The following DPP10 variants were observed in gnomAD, a reference collection of about 807,000 sequenced individuals.
DPP10 encodes dipeptidyl peptidase like 10.
Under a neutral mutation model 120.9 loss-of-function variants are expected in DPP10, and 33 were observed. The observed-to-expected ratio is 0.27, with a 90% CI of 0.21 to 0.37. DPP10 has a LOEUF of 0.37. DPP10 is among the 10% of genes least tolerant of loss of function. The probability of loss-of-function intolerance (pLI) is 1.00; values close to 1 mark genes in which losing one functional copy is unlikely to be tolerated. For missense variants in DPP10, 816 were observed against 942.8 expected (o/e 0.87, Z 1.76); for synonymous variants, 337 against 326.1 (o/e 1.03, Z -0.36).
At chr2:114,657,967 C>G (rs1420993317) in intron 1 of DPP10, among the ~76,000 whole-genome samples, 1 of 152,062 alleles carries the variant, frequency 6.6e-6, no homozygotes, top group Non-Finnish European at 1.5e-5. Context: ...AATCTACCAC[C>G]AGAAAATGCT....
intron 1 of DPP10, among the ~76,000 whole-genome samples, chr2:114,826,540 TA>T (rs1686552070): frequency 6.6e-6 from 1 of 152,176 alleles, no homozygotes; most frequent in Non-Finnish European, 1.5e-5. Flanking sequence ...GAAAATTTTT[TA>T]TTTTTTTTGA....
intron 1 of DPP10, among the ~76,000 whole-genome samples, chr2:115,059,481 A>G (rs1378461432): frequency 9.9e-5 from 15 of 151,890 alleles, no homozygotes; most frequent in Admixed American, 7.2e-4. Context: ...GCTGTGTCCA[A>G]TGCTAGCTTT....
intron 7 of DPP10, among the ~76,000 whole-genome samples, chr2:115,721,141 GACAT>G (rs1486502568): frequency 3.3e-5 from 5 of 152,164 alleles, no homozygotes; most frequent in Non-Finnish European, 7.4e-5. Context: ...GTACATTTAA[GACAT>G]ATGTTAGGAA....
At chr2:115,028,686 GT>G (rs1424865222) in intron 1 of DPP10, among the ~76,000 whole-genome samples, 1 of 151,932 alleles carries the variant, frequency 6.6e-6, no homozygotes, top group Non-Finnish European at 1.5e-5. Context: ...ACTGAAGCCT[GT>G]CTTTGCTTAA....
At chr2:115,013,542 T>A (rs1253938880) in intron 1 of DPP10, among the ~76,000 whole-genome samples, 2 of 151,848 alleles carry the variant, frequency 1.3e-5, no homozygotes, top group African/African-American at 4.8e-5. Flanking sequence ...TGTTGGCCTG[T>A]CTTGCTAAGA....
rs1021119507 is a variant in DPP10, at chr2:115,777,689, A to G, written c.1314-98A>G. ...ATGTGAAAATTCAGGTGAAGATTCA[A>G]TGTGAATTCAGGATTCAATGTGACA... On this transcript the variant is annotated intron_variant, in intron 14 of 25. Coordinates refer to ENST00000410059, the MANE Select transcript of DPP10 (RefSeq NM_020868.6). 35 of 1,250,968 alleles carry G rather than the reference A, an allele frequency of 2.8e-5. 1 individual carries two copies. Among genetic ancestry groups the G allele is most frequent in the South Asian group, 4.0e-5 (3 of 75,574 alleles). The allele number at this position is 1,250,968 out of a possible 1,614,324, so 77.5% of individuals were successfully genotyped here.
At chr2:114,612,251 A>G (rs945879958) in intron 1 of DPP10, among the ~76,000 whole-genome samples, 14 of 151,916 alleles carry the variant, frequency 9.2e-5, no homozygotes, top group Admixed American at 1.3e-4. Flanking sequence ...TTTCTTTTTC[A>G]TGGGATTTTC....
chr2:115,615,896 G>C (rs1038951818), intron 5 of DPP10, among the ~76,000 whole-genome samples: 3 of 152,144 alleles, frequency 2.0e-5, no homozygotes, highest in African/African-American at 7.2e-5. Context: ...CAATTAAATA[G>C]AGGTGAGGGA....
intron 1 of DPP10, among the ~76,000 whole-genome samples, chr2:114,455,687 AC>A (rs1418519147): frequency 1.3e-5 from 2 of 151,304 alleles, no homozygotes; most frequent in East Asian, 3.9e-4. Flanking sequence ...TCTTCTAGGC[AC>A]CTACTCTGTG....
At chr2:115,379,880 T>C (rs4848386) in intron 3 of DPP10, among the ~76,000 whole-genome samples, 1 of 152,114 alleles carries the variant, frequency 6.6e-6, no homozygotes. Context: ...AGATTCTTAA[T>C]CCTGAGTTCT....
At chr2:115,719,669 G>T (rs1480415639) in intron 7 of DPP10, among the ~76,000 whole-genome samples, 5 of 152,316 alleles carry the variant, frequency 3.3e-5, no homozygotes, top group African/African-American at 1.2e-4. Flanking sequence ...GTTGAATGCT[G>T]CATTGTGGCT....
At chr2:115,672,375 G>A (rs539622286) in intron 5 of DPP10, among the ~76,000 whole-genome samples, 7 of 152,032 alleles carry the variant, frequency 4.6e-5, no homozygotes, top group Admixed American at 6.6e-5. Context: ...GCATCAAGAG[G>A]CATGATACCC....
At chr2:115,059,620 A>T (rs1464244495) in intron 1 of DPP10, among the ~76,000 whole-genome samples, 2 of 150,248 alleles carry the variant, frequency 1.3e-5, no homozygotes, top group Non-Finnish European at 3.0e-5. Flanking sequence ...TATTGAGAAA[A>T]CCAGAATAGA....
chr2:115,297,306 A>T, intron 1 of DPP10: 1 of 391,254 alleles, frequency 2.6e-6, no homozygotes. Context: ...AAAAGTAATT[A>T]TTAATGGGCA....
chr2:114,903,280 T>C (rs947257849), intron 1 of DPP10, among the ~76,000 whole-genome samples: 1 of 152,348 alleles, frequency 6.6e-6, no homozygotes, highest in South Asian at 2.1e-4. Context: ...GGTTTTTGTG[T>C]GAACAAACCT....
chr2:115,656,514 A>G (rs1046421547), intron 5 of DPP10, among the ~76,000 whole-genome samples: 1 of 151,680 alleles, frequency 6.6e-6, no homozygotes, highest in African/African-American at 2.4e-5. Context: ...AGAAAGATCA[A>G]TCTGTCGGTA....
At chr2:114,714,269 T>C (rs1701220258) in intron 1 of DPP10, among the ~76,000 whole-genome samples, 1 of 152,142 alleles carries the variant, frequency 6.6e-6, no homozygotes. Context: ...CAGCCAAAGT[T>C]TTTTATAGGA....
At chr2:115,633,304 C>T (rs2086044173) in intron 5 of DPP10, among the ~76,000 whole-genome samples, 2 of 152,018 alleles carry the variant, frequency 1.3e-5, no homozygotes, top group Non-Finnish European at 2.9e-5. Flanking sequence ...AGCTGGAAAC[C>T]ATCATTCTCA....
rs575439528 is a variant in DPP10, at chr2:115,496,058, C to CT, written c.272-3451dup. Reference sequence around the variant, plus strand: ...AATGTAGTTCCAGAATGAAGGATCACTATTAGTCTGGTAGATAACTGTTAA... The same window carrying CT: ...AATGTAGTTCCAGAATGAAGGATCACTTATTAGTCTGGTAGATAACTGTTAA... On this transcript the variant is annotated intron_variant, in intron 3 of 25. Coordinates refer to ENST00000410059, the MANE Select transcript of DPP10 (RefSeq NM_020868.6). 1.3e-3 allele frequency among the ~76,000 whole-genome samples: 193 copies of CT among 152,028 alleles called. 2 individuals are homozygous for CT. Among genetic ancestry groups the CT allele is most frequent in the African/African-American group, 4.6e-3 (190 of 41,492 alleles).
Sources: allele counts gnomAD v4.1 joint callset (sites outside exome capture counted in the v4.1 genomes callset), GRCh38; gene constraint gnomAD v4.1.1; transcripts MANE v1.5; gene names NCBI Gene and HGNC (gene_info 2026-07-23, HGNC 2026-07-21).